Variants in NUP210L observed in about 807,000 individuals in gnomAD.
NUP210L encodes the protein nucleoporin 210 like.
Under a neutral mutation model 208.5 loss-of-function variants are expected in NUP210L, and 74 were observed. The observed-to-expected ratio is 0.35, with a 90% CI of 0.29 to 0.43. The LOEUF is 0.43. Among genes scored for constraint, NUP210L ranks in the 20% least tolerant of loss-of-function variants. The pLI, the probability that NUP210L is intolerant of heterozygous loss-of-function variation, is 1.00. For missense variants in NUP210L, 1,843 were observed against 2,289.4 expected (o/e 0.81, Z 3.98); for synonymous variants, 780 against 816.9 (o/e 0.95, Z 0.77).
chr1:154,081,953 C>A (rs535568546), intron 16 of NUP210L, among the ~76,000 whole-genome samples: 1 of 152,228 alleles, frequency 6.6e-6, no homozygotes, highest in African/African-American at 2.4e-5. Flanking sequence ...TTGCACTCAG[C>A]CTGGGCAACA....
intron 13 of NUP210L, among the ~76,000 whole-genome samples, chr1:154,101,172 C>CAA (rs35540425): frequency 0.026 from 2,756 of 104,592 alleles, 64 homozygotes; most frequent in Non-Finnish European, 0.032. Context: ...AACTCTGTCT[C>CAA]AAAAAAAAAA....
chr1:154,033,740 T>C (rs576377096), intron 27 of NUP210L, among the ~76,000 whole-genome samples: 2 of 152,316 alleles, frequency 1.3e-5, no homozygotes, highest in East Asian at 3.9e-4. Context: ...GTGTCTTTTG[T>C]GGTTCCATAT....
intron 15 of NUP210L, 45 bp downstream of exon 15, chr1:154,094,890 G>T: frequency 7.2e-7 from 1 of 1,389,268 alleles, no homozygotes; most frequent in Non-Finnish European, 1.0e-6. Context: ...CAAAGGATTT[G>T]GAGTATTACA....
At chr1:154,054,469 C>T in intron 24 of NUP210L, 62 bp from the exon 25 acceptor site, 2 of 1,537,634 alleles carry the variant, frequency 1.3e-6, no homozygotes, top group Non-Finnish European at 1.8e-6. Context: ...TCTCTTTTCC[C>T]AACATTTTGT....
intron 37 of NUP210L, among the ~76,000 whole-genome samples, chr1:153,997,472 T>G (rs922211544): frequency 2.7e-5 from 4 of 149,960 alleles, no homozygotes; most frequent in African/African-American, 9.8e-5. Flanking sequence ...TTTCTGTTTT[T>G]TTTTTTTTTT....
At chr1:154,130,396 C>T (rs1658184203) in intron 7 of NUP210L, among the ~76,000 whole-genome samples, 1 of 151,796 alleles carries the variant, frequency 6.6e-6, no homozygotes, top group South Asian at 2.1e-4. Context: ...CCTCAGACTC[C>T]CAAGTAGCTG....
intron 13 of NUP210L, among the ~76,000 whole-genome samples, chr1:154,102,947 G>C (rs752057468): frequency 6.6e-6 from 1 of 152,098 alleles, no homozygotes; most frequent in Non-Finnish European, 1.5e-5. Context: ...TATTGACCTT[G>C]CACTTGTAAT....
chr1:154,012,832 C>T (rs548381731), intron 33 of NUP210L, among the ~76,000 whole-genome samples: 28 of 147,734 alleles, frequency 1.9e-4, no homozygotes, highest in African/African-American at 6.0e-4. Flanking sequence ...GGAGAAACCC[C>T]GCCTCTACTA....
chr1:154,081,419 G>C (rs372852807), intron 16 of NUP210L, among the ~76,000 whole-genome samples: 5 of 152,102 alleles, frequency 3.3e-5, no homozygotes, highest in Non-Finnish European at 1.5e-5. Flanking sequence ...CTAAACCTTT[G>C]GAATTTCTTG....
intron 29 of NUP210L, 124 bp from the exon 30 acceptor site, chr1:154,025,840 G>A (rs1479493861): frequency 2.3e-5 from 16 of 708,472 alleles, no homozygotes; most frequent in East Asian, 1.5e-4. Context: ...CATTCTCCAC[G>A]TGTGTAATTA....
At position 154,127,492 on chromosome 1, in the gene NUP210L, T is replaced by C. The variant is rs1658043508; in HGVS notation, c.1079-75A>G. 8 of 665,892 alleles carry C rather than the reference T, an allele frequency of 1.2e-5. No individual in the cohort carries two copies. In the South Asian group the frequency reaches 1.7e-4, roughly 14 times the overall value. The allele number at this position is 665,892 out of a possible 1,614,324, so 41.2% of individuals were successfully genotyped here. On this transcript the variant is annotated intron_variant, in intron 8 of 39. Coordinates refer to ENST00000368559, the Ensembl canonical transcript of NUP210L. Reference sequence around the variant, plus strand: ...TACAACGAATTTAAAAATACAACCTTTATAAAGCTGTTCAAACAGCAAAAT... The same window carrying C: ...TACAACGAATTTAAAAATACAACCTCTATAAAGCTGTTCAAACAGCAAAAT...
chr1:154,027,435 T>A (rs1178100098), intron 29 of NUP210L, 71 bp downstream of exon 29: 1 of 1,104,328 alleles, frequency 9.1e-7, no homozygotes, highest in East Asian at 2.4e-5. Flanking sequence ...AAGTGTTCTT[T>A]CTATGTCAAT....
intron 16 of NUP210L, among the ~76,000 whole-genome samples, chr1:154,085,038 C>T (rs1425188525): frequency 1.4e-5 from 2 of 141,432 alleles, no homozygotes; most frequent in Non-Finnish European, 3.1e-5. Context: ...GCGTGAGCCA[C>T]AGCACCTGGC....
rs1056693392 is a variant in NUP210L at position 154,092,423 on chromosome 1, G to A, written c.2187+2512C>T. Among the ~76,000 whole-genome samples, 5 of 151,098 alleles carry A rather than the reference G, an allele frequency of 3.3e-5. No individual in the cohort carries two copies. The South Asian group carries it at 1.0e-3, about 32-fold the overall frequency. ...CTCACTCTGTCGCCCAGGCTGGAGT[G>A]CAGTGGCGCGATCTCAGCTCACCTC... On this transcript the variant is annotated intron_variant, in intron 15 of 39. Coordinates refer to ENST00000368559, the Ensembl canonical transcript of NUP210L.
chr1:154,066,250 G>T (rs773636327), intron 17 of NUP210L, among the ~76,000 whole-genome samples: 4 of 152,160 alleles, frequency 2.6e-5, no homozygotes, highest in Admixed American at 6.6e-5. Context: ...TCAAAAGCTA[G>T]CAGAAGGCAA....
At chr1:154,058,166 G>A (rs745454476) in exon 22 of NUP210L, 2 of 1,614,070 alleles carry the variant, frequency 1.2e-6, no homozygotes, top group Non-Finnish European at 1.7e-6. Flanking sequence ...ATGGGCGTTT[G>A]GAAGAGCCAA....
intron 12 of NUP210L, 52 bp downstream of exon 12, chr1:154,117,673 A>G (rs1038034394): frequency 1.8e-5 from 25 of 1,406,898 alleles, no homozygotes; most frequent in African/African-American, 4.4e-5. Flanking sequence ...AATTACTTAA[A>G]TTTAGACAGT....
Position 154,056,950 on chromosome 1 carries a change from G to A in NUP210L, c.3108-3C>T, listed in dbSNP as rs190285222. 6.2e-7 allele frequency: 1 copy of A among 1,606,290 alleles called. No homozygotes were observed. The highest frequency in any genetic ancestry group is 8.5e-7 in the Non-Finnish European group (1 of 1,177,598). The stretch of plus-strand genomic sequence containing the variant: ...ATTCGTCCTGTTGCTCCATTGGTCT[G>A]CAAAAACCCATGTATTTTCAGGTGA... On this transcript the variant is annotated splice_region_variant and splice_polypyrimidine_tract_variant and intron_variant, in intron 22 of 39. Transcript: ENST00000368559.
In NUP210L at chr1:154,054,754, C is replaced by A. The variant is rs768344581; in HGVS notation, c.3303+16G>T. 12 of 1,581,426 alleles carry A rather than the reference C, an allele frequency of 7.6e-6. No individual in the cohort carries two copies. Among genetic ancestry groups the A allele is most frequent in the Middle Eastern group, 1.7e-4 (1 of 6,038 alleles). On this transcript the variant is annotated intron_variant, in intron 24 of 39. Coordinates refer to ENST00000368559, the Ensembl canonical transcript of NUP210L. ...GGAGAAAAGGTAAATCTTATTTTTT[C>A]TGCCTGTAAGTTCACCTGCATCATA...
Sources: allele counts gnomAD v4.1 joint callset (sites outside exome capture counted in the v4.1 genomes callset), GRCh38; gene constraint gnomAD v4.1.1; transcripts MANE v1.5; gene names NCBI Gene and HGNC (gene_info 2026-07-23, HGNC 2026-07-21).